NTRK2: variants seen among roughly 807,000 people sequenced by gnomAD.
The protein encoded by NTRK2 is neurotrophic receptor tyrosine kinase 2.
A neutral mutation model predicts 94.5 loss-of-function variants in NTRK2; 13 were observed. The observed-to-expected ratio is 0.14, with a 90% confidence interval of 0.09 to 0.22. NTRK2 has a LOEUF of 0.22. NTRK2 is among the 10% of genes least tolerant of loss of function. The pLI is 1.00. For missense variants in NTRK2, 639 were observed against 1,071.2 expected (o/e 0.60, Z 5.63); for synonymous variants, 372 against 407.4 (o/e 0.91, Z 1.05).
At chr9:84,847,846 G>A (rs182570044) in intron 12 of NTRK2, among the ~76,000 whole-genome samples, 4 of 152,292 alleles carry the variant, frequency 2.6e-5, no homozygotes, top group Admixed American at 1.3e-4. Flanking sequence ...GGTTGGCAGT[G>A]AAAACAATAG....
intron 12 of NTRK2, among the ~76,000 whole-genome samples, chr9:84,802,238 G>A (rs1269133169): frequency 6.6e-6 from 1 of 152,162 alleles, no homozygotes; most frequent in Non-Finnish European, 1.5e-5. Context: ...TAACCAAGCT[G>A]TTATATTTGG....
At chr9:84,763,099 G>GC (rs1321266354) in intron 12 of NTRK2, among the ~76,000 whole-genome samples, 16 of 152,078 alleles carry the variant, frequency 1.1e-4, no homozygotes, top group African/African-American at 2.9e-4. Context: ...ACTGAGACTG[G>GC]CCCCCACTGT....
chr9:84,791,075 T>C (rs2068678603), intron 12 of NTRK2, among the ~76,000 whole-genome samples: 1 of 152,226 alleles, frequency 6.6e-6, no homozygotes, highest in Admixed American at 6.5e-5. Context: ...CTTACTAATG[T>C]CAGAGCTTTT....
intron 12 of NTRK2, among the ~76,000 whole-genome samples, chr9:84,854,712 C>T (rs547641205): frequency 4.6e-5 from 7 of 151,942 alleles, no homozygotes; most frequent in South Asian, 2.1e-4. Context: ...TTTAAGAGGC[C>T]GAGGCTGGCG....
chr9:84,902,848 G>C (rs887283363), intron 14 of NTRK2, among the ~76,000 whole-genome samples: 5 of 152,178 alleles, frequency 3.3e-5, no homozygotes, highest in African/African-American at 1.2e-4. Context: ...TACTCAAACT[G>C]AGCCTTAGTT....
At chr9:84,956,173 A>T (rs982063092) in intron 17 of NTRK2, among the ~76,000 whole-genome samples, 3 of 152,196 alleles carry the variant, frequency 2.0e-5, no homozygotes, top group African/African-American at 7.2e-5. Context: ...CATAAATAAT[A>T]GTACACCGGA....
Position 84,817,547 on chromosome 9 carries a change from A to T in NTRK2, c.1397-43493A>T, listed in dbSNP as rs565606992. The stretch of plus-strand genomic sequence containing the variant: ...CAAATTCTTGGAGAAATAGCTCTGA[A>T]TGTCTTACACTGAATACAGCTGGCC... On this transcript the variant is annotated intron_variant, in intron 12 of 18. Coordinates refer to ENST00000277120, the MANE Select transcript of NTRK2 (RefSeq NM_006180.6). 3.7e-3 allele frequency among the ~76,000 whole-genome samples: 567 copies of T among 152,304 alleles called. 1 individual carries two copies. Among genetic ancestry groups the T allele is most frequent in the Middle Eastern group, 0.01 (3 of 292 alleles).
chr9:84,901,765 C>T (rs2076936785), intron 14 of NTRK2, among the ~76,000 whole-genome samples: 1 of 152,130 alleles, frequency 6.6e-6, no homozygotes, highest in Non-Finnish European at 1.5e-5. Flanking sequence ...CCCTTCCCTC[C>T]CCTGGCTTCT....
chr9:84,971,707 G>A (rs113443216), intron 17 of NTRK2, among the ~76,000 whole-genome samples: 31 of 152,314 alleles, frequency 2.0e-4, no homozygotes, highest in African/African-American at 5.8e-4. Context: ...AAGAGGTAGG[G>A]CTTTGCAACT....
At position 84,944,075 on chromosome 9, in the gene NTRK2, C is replaced by T. The variant is rs146038396; in HGVS notation, c.1765-4387C>T. Among the ~76,000 whole-genome samples, 250 of 152,192 alleles carry T rather than the reference C, an allele frequency of 1.6e-3. 2 individuals are homozygous for T. The South Asian group carries it at 0.019, about 11-fold the overall frequency. ...CTCAATTTCAAAAATGTTACTGAAG[C>T]ACAGTTTTTGACATTGCACTGAGAA... On this transcript the variant is annotated intron_variant, in intron 15 of 18. Coordinates refer to ENST00000277120, the MANE Select transcript of NTRK2 (RefSeq NM_006180.6).
At chr9:84,786,047 C>T (rs924241283) in intron 12 of NTRK2, among the ~76,000 whole-genome samples, 10 of 152,134 alleles carry the variant, frequency 6.6e-5, no homozygotes, top group Admixed American at 3.3e-4. Flanking sequence ...CAAAAGTCGC[C>T]CATGCCTTTG....
chr9:84,904,407 C>T (rs552361680), intron 14 of NTRK2, among the ~76,000 whole-genome samples: 118 of 152,278 alleles, frequency 7.7e-4, no homozygotes, highest in Non-Finnish European at 1.5e-3. Flanking sequence ...TGCTTTATCT[C>T]CTCTTCCTCC....
At chr9:85,000,102 C>G (rs758983361) in intron 17 of NTRK2, among the ~76,000 whole-genome samples, 6 of 152,136 alleles carry the variant, frequency 3.9e-5, no homozygotes, top group Non-Finnish European at 8.8e-5. Context: ...AGTTTCAGAG[C>G]AATTTTAGGT....
intron 15 of NTRK2, among the ~76,000 whole-genome samples, chr9:84,944,187 G>T (rs1009466589): frequency 1.5e-5 from 2 of 133,492 alleles, no homozygotes; most frequent in Admixed American, 7.5e-5. Context: ...AAAAAGAAAA[G>T]CTTGTTCTCT....
intron 12 of NTRK2, among the ~76,000 whole-genome samples, chr9:84,764,417 G>T (rs920054072): frequency 3.3e-5 from 5 of 152,044 alleles, no homozygotes; most frequent in South Asian, 2.1e-4. Flanking sequence ...TTAAAGGAGA[G>T]CTTTCTGGCC....
intron 14 of NTRK2, chr9:84,875,928 T>C (rs2132152876): frequency 9.6e-7 from 1 of 1,038,056 alleles, no homozygotes; most frequent in Admixed American, 5.6e-5. Flanking sequence ...ATGAATAAGT[T>C]CCTGTGATGT....
intron 6 of NTRK2, among the ~76,000 whole-genome samples, chr9:84,718,398 A>T (rs555712527): frequency 6.6e-6 from 1 of 152,294 alleles, no homozygotes; most frequent in African/African-American, 2.4e-5. Context: ...GTGTATGAAT[A>T]TTCTTACACA....
intron 14 of NTRK2, among the ~76,000 whole-genome samples, chr9:84,928,697 T>C (rs1353581112): frequency 6.6e-6 from 1 of 152,150 alleles, no homozygotes; most frequent in Admixed American, 6.5e-5. Flanking sequence ...AGGGAGCCAG[T>C]CTCGATGATC....
intron 14 of NTRK2, among the ~76,000 whole-genome samples, chr9:84,915,262 T>A (rs891161473): frequency 6.6e-6 from 1 of 152,160 alleles, no homozygotes; most frequent in Non-Finnish European, 1.5e-5. Flanking sequence ...TATGTTACTC[T>A]ATGGTTTGTT....
Sources: gnomAD v4.1 joint callset for allele counts (sites outside exome capture counted in the v4.1 genomes callset) on GRCh38, gnomAD v4.1.1 for gene constraint, MANE v1.5 for transcripts, NCBI Gene and HGNC (gene_info 2026-07-23, HGNC 2026-07-21) for gene names.